The following NADK variants were observed in gnomAD, a reference collection of about 807,000 sequenced individuals.
NADK encodes NAD kinase.
In NADK, 22 loss-of-function variants were observed where a neutral mutation model predicts 49.8. That is an observed-to-expected ratio of 0.44 (90% CI 0.32 to 0.63). NADK has a LOEUF of 0.63. Ranked by LOEUF, NADK falls within the 30% of genes least tolerant of loss-of-function variation. NADK has a pLI of 0.06. For synonymous variants in NADK, 268 were observed against 253.7 expected (o/e 1.06, Z -0.54); for missense variants, 438 against 609.4 (o/e 0.72, Z 2.96).
At chr1:1,753,315 TG>T (rs1445805306) in intron 11 of NADK, among the ~76,000 whole-genome samples, 1 of 148,842 alleles carries the variant, frequency 6.7e-6, no homozygotes, top group Non-Finnish European at 1.5e-5. Context: ...AGGAGGTGGG[TG>T]GGGGTGGGCA....
intron 1 of NADK, among the ~76,000 whole-genome samples, chr1:1,777,093 T>C (rs1411867197): frequency 6.6e-6 from 1 of 152,100 alleles, no homozygotes; most frequent in Non-Finnish European, 1.5e-5. Context: ...TACACACACA[T>C]ATACACACAG....
intron 1 of NADK, among the ~76,000 whole-genome samples, chr1:1,776,017 T>G (rs1557867788): frequency 2.0e-5 from 3 of 152,148 alleles, no homozygotes; most frequent in Non-Finnish European, 4.4e-5. Context: ...TGTACCTTCC[T>G]GCCATGACAC....
chr1:1,755,368 A>G lies in NADK; in HGVS notation c.688+6T>C. On this transcript the variant is annotated splice_donor_region_variant and intron_variant, in intron 7 of 11. Transcript: ENST00000341426. ...CTCCTGTGGGCTCCAGAACATTCCA[A>G]CTCACCCTCTATCACCTGAGTAACT... The G allele has an allele frequency of 6.2e-7, 1 of 1,608,188 alleles. No individual in the cohort carries two copies. The highest frequency in any genetic ancestry group is 1.1e-5 in the South Asian group (1 of 90,952).
chr1:1,767,020 T>C (rs1156576082), intron 1 of NADK, among the ~76,000 whole-genome samples: 1 of 151,948 alleles, frequency 6.6e-6, no homozygotes, highest in Non-Finnish European at 1.5e-5. Flanking sequence ...GTTCAAGTGA[T>C]TTTCCTGCTT....
chr1:1,767,046 C>G (rs1341880233), intron 1 of NADK, among the ~76,000 whole-genome samples: 2 of 152,188 alleles, frequency 1.3e-5, no homozygotes, highest in Non-Finnish European at 2.9e-5. Context: ...TCCCTAGCAG[C>G]TGGGACTACA....
rs1646273581 is a variant in NADK at position 1,778,314 on chromosome 1, G to A, written c.-66C>T. On this transcript the variant is annotated 5_prime_UTR_variant, in exon 1 of 12. Coordinates refer to ENST00000341426, the MANE Select transcript of NADK (RefSeq NM_023018.5). This position sits in a 1 kb window ranked among gnomAD's most constrained non-coding sequence, Gnocchi z 4.9. ...CGTTCGCTGCCGCGGGCGCCTGCGG[G>A]GGCGTCTACATGCCGGACCGAGCCC... 6.6e-6 allele frequency: 1 copy of A among 151,208 alleles called. No individual in the cohort carries two copies. The highest frequency in any genetic ancestry group is 1.5e-5 in the Non-Finnish European group (1 of 67,710). The allele number at this position is 151,208 out of a possible 1,614,324, so 9.4% of individuals were successfully genotyped here. A position where few individuals can be genotyped will look rare whatever the true frequency, so the allele number is the denominator to read the frequency against.
At chr1:1,766,047 C>G (rs1350241625) in intron 1 of NADK, among the ~76,000 whole-genome samples, 1 of 151,852 alleles carries the variant, frequency 6.6e-6, no homozygotes, top group East Asian at 1.9e-4. Context: ...GAGAAAGGAT[C>G]AGTTGAGGCC....
intron 7 of NADK, among the ~76,000 whole-genome samples, chr1:1,755,051 C>G (rs1328743190): frequency 1.3e-5 from 2 of 152,126 alleles, no homozygotes; most frequent in Non-Finnish European, 2.9e-5. Context: ...CATCTCTTGA[C>G]CTCGTGATCC....
At chr1:1,758,483 T>C (rs1472300121) in intron 3 of NADK, 3 of 1,612,414 alleles carry the variant, frequency 1.9e-6, no homozygotes, top group Admixed American at 3.3e-5. Context: ...AGCCGGCCAG[T>C]GTGTCCACAG....
At chr1:1,767,518 C>T (rs1320065875) in intron 1 of NADK, among the ~76,000 whole-genome samples, 2 of 152,116 alleles carry the variant, frequency 1.3e-5, no homozygotes, top group African/African-American at 4.8e-5. Context: ...GGGCCGTGCA[C>T]AGAAACAATA....
chr1:1,756,402 C>T, intron 5 of NADK, 59 bp from the exon 6 acceptor site: 1 of 1,607,016 alleles, frequency 6.2e-7, no homozygotes, highest in Non-Finnish European at 8.5e-7. Context: ...CTCTGTGGCG[C>T]AGTGCGCAGA....
At chr1:1,758,602 C>G in intron 3 of NADK, 1 of 1,487,688 alleles carries the variant, frequency 6.7e-7, no homozygotes, top group Non-Finnish European at 8.9e-7. Flanking sequence ...AAGCAAAACA[C>G]AATTGTGATG....
intron 3 of NADK, chr1:1,758,615 A>C: frequency 1.4e-6 from 2 of 1,461,162 alleles, no homozygotes; most frequent in Non-Finnish European, 1.8e-6. Context: ...TTGTGATGAG[A>C]CTTGGTAAAG....
At chr1:1,775,985 G>C (rs1008206157) in intron 1 of NADK, among the ~76,000 whole-genome samples, 1 of 152,152 alleles carries the variant, frequency 6.6e-6, no homozygotes, top group African/African-American at 2.4e-5. Flanking sequence ...GGACTAGAAA[G>C]TGGAGCTGCT....
rs987439169 is a variant in NADK at position 1,759,633 on chromosome 1, C to T, written c.263+2319G>A. 5.5e-5 allele frequency: 72 copies of T among 1,303,138 alleles called. No homozygotes were observed. The South Asian group carries it at 6.8e-4, about 12-fold the overall frequency. 80.7% of individuals were successfully genotyped at this position (1,303,138 alleles called of 1,614,324 possible). A position where few individuals can be genotyped will look rare whatever the true frequency, so the allele number is the denominator to read the frequency against. ...GCCCCTCCACAGCGGGGATGGGAAG[C>T]GGGAGGTTATGATCCCAGAGACACA... On this transcript the variant is annotated intron_variant, in intron 3 of 11. Transcript: ENST00000341426.
chr1:1,756,935 C>CG lies in NADK; in HGVS notation c.393+245dup, dbSNP rs2100294173. ...CACGTCAGATGTGGCCCCTTGATCTCGGACTTCCCGGCCTCCAGGGCCACG... is the reference window on the plus strand; with the variant it reads ...CACGTCAGATGTGGCCCCTTGATCTCGGGACTTCCCGGCCTCCAGGGCCACG... On this transcript the variant is annotated intron_variant, in intron 4 of 11. Coordinates refer to ENST00000341426, the MANE Select transcript of NADK (RefSeq NM_023018.5). 4.9e-6 allele frequency: 4 copies of CG among 818,162 alleles called. No homozygotes were observed. The South Asian group carries it at 5.5e-5, about 11-fold the overall frequency. 50.7% of individuals were successfully genotyped at this position (818,162 alleles called of 1,614,324 possible). A position where few individuals can be genotyped will look rare whatever the true frequency, so the allele number is the denominator to read the frequency against.
intron 2 of NADK, among the ~76,000 whole-genome samples, chr1:1,762,625 C>T (rs1645760894): frequency 6.6e-6 from 1 of 152,050 alleles, no homozygotes; most frequent in Non-Finnish European, 1.5e-5. Flanking sequence ...GGCCTGGTGG[C>T]GTGTGCCTGC....
chr1:1,759,843 C>T (rs1645660318), intron 3 of NADK: 1 of 1,551,032 alleles, frequency 6.4e-7, no homozygotes, highest in South Asian at 1.2e-5. Context: ...CCCGCCCTGG[C>T]CCGAGTGACT....
At position 1,762,322 on chromosome 1, in the gene NADK, C is replaced by G. The variant is rs145837426; in HGVS notation, c.180-287G>C. 2.3e-3 allele frequency among the ~76,000 whole-genome samples: 354 copies of G among 152,282 alleles called. 1 individual carries two copies. The highest frequency in any genetic ancestry group is 7.6e-3 in the African/African-American group (315 of 41,552). ...AGGAAAATGCCAGGGCCAGGGCCAG[C>G]CTGGGATCAGAATTCCTCAGTGTCT... On this transcript the variant is annotated intron_variant, in intron 2 of 11. Coordinates refer to ENST00000341426, the MANE Select transcript of NADK (RefSeq NM_023018.5).
Sources: gnomAD v4.1 joint callset for allele counts (sites outside exome capture counted in the v4.1 genomes callset) on GRCh38, gnomAD v4.1.1 for gene constraint, Gnocchi (gnomAD v3.1) non-coding constraint, MANE v1.5 for transcripts, NCBI Gene and HGNC (gene_info 2026-07-23, HGNC 2026-07-21) for gene names.